The following PDE4C variants were observed in gnomAD, a reference collection of about 807,000 sequenced individuals.
PDE4C encodes phosphodiesterase 4C, also known as 3',5'-cyclic-AMP phosphodiesterase 4C.
In PDE4C, 50 loss-of-function variants were observed where a neutral mutation model predicts 63.9. The ratio of observed to expected loss-of-function variants is 0.78; its 90% CI spans 0.62 to 0.99. The LOEUF is 0.99. Among genes scored for constraint, PDE4C ranks in the 50% least tolerant of loss-of-function variants. The probability of loss-of-function intolerance (pLI) is 0.00; values close to 1 mark genes in which losing one functional copy is unlikely to be tolerated. For missense variants in PDE4C, 777 were observed against 899.1 expected (o/e 0.86, Z 1.74); for synonymous variants, 377 against 385.1 (o/e 0.98, Z 0.25).
In PDE4C at chr19:18,222,404, C is replaced by T. The variant is rs1968524280; in HGVS notation, c.147-81G>A. On this transcript the variant is annotated intron_variant, in intron 1 of 14. Coordinates refer to ENST00000262805, the Ensembl canonical transcript of PDE4C. ...TCGTGGCCACCTTGTCTGGTGCGTC[C>T]TCCCTGGGGCTGCTTGGCAGTCAGG... 4 of 1,275,118 alleles carry T rather than the reference C, an allele frequency of 3.1e-6. No individual in the cohort carries two copies. The South Asian group carries it at 5.6e-5, about 18-fold the overall frequency. The allele number at this position is 1,275,118 out of a possible 1,614,324, so 79.0% of individuals were successfully genotyped here. A position where few individuals can be genotyped will look rare whatever the true frequency, so the allele number is the denominator to read the frequency against.
chr19:18,251,799 G>A (rs1969233641), upstream of PDE4C, among the ~76,000 whole-genome samples: 1 of 149,762 alleles, frequency 6.7e-6, no homozygotes, highest in Non-Finnish European at 1.5e-5. Context: ...TTTTGCCCAG[G>A]CCCAAATACA....
In PDE4C at chr19:18,220,763, G is replaced by T. The variant is rs1405436434; in HGVS notation, c.499+111C>A. On this transcript the variant is annotated intron_variant, in intron 5 of 14. Coordinates refer to ENST00000262805, the Ensembl canonical transcript of PDE4C. This position sits in a 1 kb window ranked among gnomAD's most constrained non-coding sequence, Gnocchi z 5.1. ...CCGAGGGCGTTATTGTTTTTGCAGG[G>T]GCGGGGCTACAATTAGCCCCAGTAT... 6 of 1,079,008 alleles carry T rather than the reference G, an allele frequency of 5.6e-6. No individual in the cohort carries two copies. The African/African-American group carries it at 7.7e-5, about 14-fold the overall frequency. 66.8% of individuals were successfully genotyped at this position (1,079,008 alleles called of 1,614,324 possible).
At chr19:18,238,234 CTCTCT>C (rs1485200954), upstream of PDE4C, among the ~76,000 whole-genome samples, 2 of 149,778 alleles carry the variant, frequency 1.3e-5, no homozygotes, top group Non-Finnish European at 2.9e-5. Context: ...ATCTCTCTCT[CTCTCT>C]TTTTTTTTTT....
At chr19:18,229,285 G>C (rs554515461), upstream of PDE4C, among the ~76,000 whole-genome samples, 65 of 151,592 alleles carry the variant, frequency 4.3e-4, no homozygotes, top group Non-Finnish European at 6.9e-4. Context: ...CTGTCGCCCA[G>C]GGTGGAGTGC....
Position 18,226,455 on chromosome 19 carries a change from G to T in PDE4C, c.-40C>A. 3 of 1,354,454 alleles carry T rather than the reference G, an allele frequency of 2.2e-6. No homozygotes were observed. Among genetic ancestry groups the T allele is most frequent in the South Asian group, 1.7e-5 (1 of 57,302 alleles). The allele number at this position is 1,354,454 out of a possible 1,614,324, so 83.9% of individuals were successfully genotyped here. A position where few individuals can be genotyped will look rare whatever the true frequency, so the allele number is the denominator to read the frequency against. On this transcript the variant is annotated 5_prime_UTR_variant, in exon 1 of 15. Transcript: ENST00000262805. ...GGAGGCTGGACCGAGCGCCGGCTGCGCGGGACCTTTTCTGGACAGCTGCGG... is the reference window on the plus strand; with the variant it reads ...GGAGGCTGGACCGAGCGCCGGCTGCTCGGGACCTTTTCTGGACAGCTGCGG...
chr19:18,220,280 C>T lies in PDE4C; in HGVS notation c.652G>A (p.Glu218Lys), dbSNP rs746916844. ...ACCTGGTTCCCGGAGCGGCTGGTTT[C>T]GGACAGGTGGGTCAACTCCCGGTTC... Residue 218 changes from glutamate (E) to lysine (K), a missense_variant, in exon 7 of 15, where the codon GAA (glutamate) becomes AAA (lysine). Around this residue, in one of 3 missense-constraint regions of PDE4C, gnomAD observed 28 missense variants for 53.5 expected, o/e 0.52. Coordinates refer to ENST00000262805, the Ensembl canonical transcript of PDE4C. This position sits in a 1 kb window ranked among gnomAD's most constrained non-coding sequence, Gnocchi z 5.1. 6.2e-6 allele frequency: 10 copies of T among 1,614,072 alleles called. No individual in the cohort carries two copies. Among genetic ancestry groups the T allele is most frequent in the Non-Finnish European group, 7.6e-6 (9 of 1,180,040 alleles).
chr19:18,239,763 C>T (rs1029996733), intron 1 of PDE4C, among the ~76,000 whole-genome samples: 10 of 152,038 alleles, frequency 6.6e-5, no homozygotes, highest in Admixed American at 2.6e-4. Flanking sequence ...CGGTGGCTCA[C>T]GCCTGTAATC....
intron 1 of PDE4C, among the ~76,000 whole-genome samples, chr19:18,246,030 A>G (rs935557752): frequency 3.7e-5 from 4 of 106,890 alleles, no homozygotes; most frequent in Non-Finnish European, 3.7e-5. Flanking sequence ...TTTTTTTTTG[A>G]GACAGAGTCT....
At chr19:18,253,926 A>T in the PDE4C span, among the ~76,000 whole-genome samples, 2 of 152,068 alleles carry the variant, frequency 1.3e-5, no homozygotes, top group East Asian at 3.9e-4. Flanking sequence ...TGCTCCACCC[A>T]TGCACTCTGC....
chr19:18,215,523 A>AT (rs541345602), intron 12 of PDE4C, among the ~76,000 whole-genome samples: 2,338 of 148,230 alleles, frequency 0.016, 51 homozygotes, highest in Admixed American at 0.058. Context: ...GATGTGTATA[A>AT]TTTTTTTTTT....
At chr19:18,241,764 G>C (rs1969045129) in intron 1 of PDE4C, among the ~76,000 whole-genome samples, 1 of 151,122 alleles carries the variant, frequency 6.6e-6, no homozygotes, top group African/African-American at 2.4e-5. Flanking sequence ...TGCCCAGGCT[G>C]GTCTTGAAAT....
intron 1 of PDE4C, among the ~76,000 whole-genome samples, chr19:18,244,615 C>T (rs770686740): frequency 1.8e-4 from 27 of 151,864 alleles, no homozygotes; most frequent in Non-Finnish European, 3.2e-4. Flanking sequence ...TGGGTTCAAG[C>T]GATCCTTCTG....
intron 1 of PDE4C, chr19:18,248,115 C>T (rs1435666202): frequency 1.3e-5 from 6 of 454,728 alleles, no homozygotes; most frequent in Admixed American, 9.4e-5. Flanking sequence ...TCCTGAGACG[C>T]CCCCAAGCTC....
At chr19:18,245,673 C>A (rs1398788000) in intron 1 of PDE4C, among the ~76,000 whole-genome samples, 2 of 152,122 alleles carry the variant, frequency 1.3e-5, no homozygotes, top group Non-Finnish European at 2.9e-5. Flanking sequence ...TTTTTTCTTG[C>A]CTTAACATCT....
chr19:18,209,102 T>G (rs542004028), downstream of PDE4C: 2 of 151,730 alleles, frequency 1.3e-5, no homozygotes, highest in East Asian at 1.9e-4. Flanking sequence ...CAGAGCCCCC[T>G]CTTTTTATTG....
exon 15 of PDE4C, chr19:18,210,840 C>A: frequency 1.3e-6 from 2 of 1,505,318 alleles, no homozygotes; most frequent in Non-Finnish European, 1.8e-6. Context: ...GAAGCAGGAG[C>A]CACATGGAGC....
exon 2 of PDE4C, chr19:18,222,260 G>T: frequency 6.2e-7 from 1 of 1,614,008 alleles, no homozygotes; most frequent in Non-Finnish European, 8.5e-7. Context: ...TCCGGCCCAG[G>T]CCAGGGCTGG....
Position 18,220,589 on chromosome 19 carries a change from C to A in PDE4C, c.500-74G>T, listed in dbSNP as rs1026116313. The stretch of plus-strand genomic sequence containing the variant: ...CCCCACGCCTCTCGCGACTTCGTCT[C>A]TTCATCTGGACCCTGAAACTGTTCC... On this transcript the variant is annotated intron_variant, in intron 5 of 14. Coordinates refer to ENST00000262805, the Ensembl canonical transcript of PDE4C. This position sits in a 1 kb window ranked among gnomAD's most constrained non-coding sequence, Gnocchi z 5.1. 1.5e-6 allele frequency: 2 copies of A among 1,305,682 alleles called. No homozygotes were observed. Among genetic ancestry groups the A allele is most frequent in the Non-Finnish European group, 2.2e-6 (2 of 927,452 alleles). The allele number at this position is 1,305,682 out of a possible 1,614,324, so 80.9% of individuals were successfully genotyped here.
intron 13 of PDE4C, among the ~76,000 whole-genome samples, chr19:18,212,599 CA>C (rs1968005473): frequency 6.6e-6 from 1 of 152,020 alleles, no homozygotes; most frequent in Non-Finnish European, 1.5e-5. Context: ...CTTGGCCTCC[CA>C]AAGTGCTGGG....
Sources: allele counts gnomAD v4.1 joint callset (sites outside exome capture counted in the v4.1 genomes callset), GRCh38; gene constraint gnomAD v4.1.1; regional missense constraint gnomAD v4.1.1; non-coding constraint Gnocchi (gnomAD v3.1); transcripts MANE v1.5; gene names NCBI Gene and HGNC (gene_info 2026-07-23, HGNC 2026-07-21).